SHC3: variants seen among roughly 807,000 people sequenced by gnomAD.
SHC3 encodes the protein SHC-transforming protein 3.
SHC3 carries 15 observed loss-of-function variants against 60.4 expected under a neutral mutation model. That is an observed-to-expected ratio of 0.25 (90% CI 0.17 to 0.38). The LOEUF (loss-of-function observed/expected upper bound fraction) is 0.38. Ranked by LOEUF, SHC3 falls within the 10% of genes least tolerant of loss-of-function variation. The pLI is 1.00. For missense variants in SHC3, 677 were observed against 786.1 expected (o/e 0.86, Z 1.66); for synonymous variants, 294 against 325.9 (o/e 0.90, Z 1.05).
chr9:89,171,308 C>G (rs1826865965), intron 1 of SHC3, among the ~76,000 whole-genome samples: 1 of 151,452 alleles, frequency 6.6e-6, no homozygotes, highest in Non-Finnish European at 1.5e-5. Context: ...GTTTGCAAAG[C>G]AAAAAGCACT....
intron 1 of SHC3, among the ~76,000 whole-genome samples, chr9:89,141,881 G>A (rs1826398826): frequency 6.6e-6 from 1 of 152,124 alleles, no homozygotes; most frequent in African/African-American, 2.4e-5. Context: ...GGGTGGGGGA[G>A]GCGAAGAGGT....
intron 1 of SHC3, among the ~76,000 whole-genome samples, chr9:89,171,110 A>G (rs1394624371): frequency 6.6e-6 from 1 of 152,228 alleles, no homozygotes; most frequent in African/African-American, 2.4e-5. Flanking sequence ...TTTTATCTTA[A>G]GAAATAAAAG....
intron 11 of SHC3, among the ~76,000 whole-genome samples, chr9:89,014,252 G>A (rs1826058992): frequency 6.6e-6 from 1 of 152,204 alleles, no homozygotes; most frequent in Admixed American, 6.5e-5. Context: ...CAGGGGAGAG[G>A]AGGTTGAACA....
At chr9:89,120,331 A>C (rs115516740) in intron 1 of SHC3, among the ~76,000 whole-genome samples, 1,598 of 152,300 alleles carry the variant, frequency 0.01, 31 homozygotes, top group African/African-American at 0.036. Flanking sequence ...CAAAACCTTT[A>C]ATATCCAGGG....
intron 1 of SHC3, among the ~76,000 whole-genome samples, chr9:89,124,382 T>A (rs558583558): frequency 1.2e-3 from 189 of 152,280 alleles, no homozygotes; most frequent in African/African-American, 4.4e-3. Flanking sequence ...TAAAGACACA[T>A]GCACAAGTAT....
At chr9:89,089,601 G>A (rs1825587790) in intron 2 of SHC3, among the ~76,000 whole-genome samples, 1 of 152,160 alleles carries the variant, frequency 6.6e-6, no homozygotes, top group Non-Finnish European at 1.5e-5. Flanking sequence ...CTTCCCATTT[G>A]GGAAAAGTAA....
intron 7 of SHC3, among the ~76,000 whole-genome samples, chr9:89,049,996 G>A (rs954370138): frequency 2.0e-5 from 3 of 152,018 alleles, no homozygotes; most frequent in Non-Finnish European, 4.4e-5. Context: ...AATTTAATTC[G>A]GCTGAAATTT....
chr9:89,012,386 C>T lies in SHC3; in HGVS notation c.*1061G>A, dbSNP rs577915747. The T allele has an allele frequency of 1.3e-5, 2 of 152,172 alleles. No homozygotes were observed. The highest frequency in any genetic ancestry group is 2.9e-5 in the Non-Finnish European group (2 of 68,044). The allele number at this position is 152,172 out of a possible 1,614,324, so 9.4% of individuals were successfully genotyped here. On this transcript the variant is annotated 3_prime_UTR_variant, in exon 12 of 12. Coordinates refer to ENST00000375835, the MANE Select transcript of SHC3 (RefSeq NM_016848.6). Reference sequence around the variant, plus strand: ...CCATCCCTCATGCCAGAGGCAGTACCTCAAATGGATTCCAGTGACTCCTGG... The same window carrying T: ...CCATCCCTCATGCCAGAGGCAGTACTTCAAATGGATTCCAGTGACTCCTGG...
At chr9:89,128,167 T>C (rs958080044) in intron 1 of SHC3, among the ~76,000 whole-genome samples, 1 of 152,208 alleles carries the variant, frequency 6.6e-6, no homozygotes, top group African/African-American at 2.4e-5. Context: ...TTTTGGTTCA[T>C]GTGACTTTAG....
intron 2 of SHC3, chr9:89,109,779 C>A (rs745937935): frequency 2.0e-6 from 2 of 985,482 alleles, no homozygotes; most frequent in Non-Finnish European, 2.4e-6. Context: ...CTTGTTTGCT[C>A]TTTTGTTCAG....
intron 7 of SHC3, among the ~76,000 whole-genome samples, chr9:89,050,930 T>C (rs1824852259): frequency 1.3e-5 from 2 of 151,056 alleles, no homozygotes; most frequent in African/African-American, 4.9e-5. Context: ...ATGATGGCCA[T>C]AAGGGAGAAT....
intron 6 of SHC3, among the ~76,000 whole-genome samples, chr9:89,065,250 G>C (rs1484273813): frequency 2.0e-5 from 3 of 152,164 alleles, no homozygotes; most frequent in Admixed American, 6.5e-5. Flanking sequence ...GAGTAACCGA[G>C]GCCACTGTCA....
intron 1 of SHC3, among the ~76,000 whole-genome samples, chr9:89,151,517 T>C (rs1027891737): frequency 6.6e-6 from 1 of 152,178 alleles, no homozygotes; most frequent in African/African-American, 2.4e-5. Context: ...TTGAATTTGC[T>C]GGTGTTTTGA....
intron 1 of SHC3, among the ~76,000 whole-genome samples, chr9:89,154,148 G>C (rs1403704462): frequency 1.3e-5 from 2 of 152,100 alleles, no homozygotes; most frequent in East Asian, 3.8e-4. Flanking sequence ...GTTACTAACT[G>C]GTTGGAAGCC....
intron 6 of SHC3, among the ~76,000 whole-genome samples, chr9:89,052,598 G>A (rs1013162413): frequency 1.3e-5 from 2 of 152,148 alleles, no homozygotes; most frequent in African/African-American, 4.8e-5. Context: ...AGCATCTGTT[G>A]AGTGAATCTT....
chr9:89,064,190 C>T (rs1825137430), intron 6 of SHC3, among the ~76,000 whole-genome samples: 1 of 152,172 alleles, frequency 6.6e-6, no homozygotes, highest in South Asian at 2.1e-4. Context: ...TAATGCAATA[C>T]CATCATATTG....
intron 6 of SHC3, among the ~76,000 whole-genome samples, chr9:89,052,906 G>A (rs1397831971): frequency 6.6e-6 from 1 of 152,226 alleles, no homozygotes; most frequent in Non-Finnish European, 1.5e-5. Context: ...CCTTATGCTT[G>A]AAGCAGGCAC....
chr9:89,077,939 T>A, intron 2 of SHC3, 36 bp from the exon 3 acceptor site: 1 of 1,612,520 alleles, frequency 6.2e-7, no homozygotes, highest in Non-Finnish European at 8.5e-7. Flanking sequence ...TTATTACGTG[T>A]CAGTCGGGAT....
intron 1 of SHC3, among the ~76,000 whole-genome samples, chr9:89,142,466 G>A (rs988760185): frequency 6.6e-6 from 1 of 151,904 alleles, no homozygotes. Flanking sequence ...TGGATCACTT[G>A]AGGTCCAGAA....
Sources: gnomAD v4.1 joint callset for allele counts (sites outside exome capture counted in the v4.1 genomes callset) on GRCh38, gnomAD v4.1.1 for gene constraint, MANE v1.5 for transcripts, NCBI Gene and HGNC (gene_info 2026-07-23, HGNC 2026-07-21) for gene names.